Variants in DCLK2 observed in about 807,000 individuals in gnomAD.
The protein encoded by DCLK2 is serine/threonine-protein kinase DCLK2.
A neutral mutation model predicts 78.4 loss-of-function variants in DCLK2; 31 were observed. That is an observed-to-expected ratio of 0.40 (90% confidence interval 0.30 to 0.53). The LOEUF (loss-of-function observed/expected upper bound fraction) is 0.53. DCLK2 is among the 20% of genes least tolerant of loss of function. DCLK2 has a pLI of 0.61. For missense variants in DCLK2, 872 were observed against 973.7 expected, an observed-to-expected ratio of 0.90 and a Z score of 1.39; for synonymous variants, 407 against 374.9, an observed-to-expected ratio of 1.09 and a Z score of -0.99.
chr4:150,174,202 G>A (rs1433919683), intron 2 of DCLK2, among the ~76,000 whole-genome samples: 1 of 152,090 alleles, frequency 6.6e-6, no homozygotes, highest in Non-Finnish European at 1.5e-5. Context: ...CATCCTTTCT[G>A]CCCTCTTTGA....
rs1743585471 is a variant in DCLK2 at position 150,249,494 on chromosome 4, G to C, written c.1957-74G>C. On this transcript the variant is annotated intron_variant, in intron 14 of 15. Coordinates refer to ENST00000296550, the MANE Select transcript of DCLK2 (RefSeq NM_001040260.4). Reference sequence around the variant, plus strand: ...AGGAGGGTGGTTGAGGCGGGGAGGGGGACTCTTAAGGAAAAGACAACTCAA... The same window carrying C: ...AGGAGGGTGGTTGAGGCGGGGAGGGCGACTCTTAAGGAAAAGACAACTCAA... The C allele has an allele frequency of 3.2e-6, 4 of 1,269,314 alleles. No homozygotes were observed. The South Asian group carries it at 3.6e-5, about 12-fold the overall frequency. The allele number at this position is 1,269,314 out of a possible 1,614,324, so 78.6% of individuals were successfully genotyped here.
intron 2 of DCLK2, among the ~76,000 whole-genome samples, chr4:150,158,553 C>G (rs1000049952): frequency 6.6e-6 from 1 of 152,120 alleles, no homozygotes; most frequent in South Asian, 2.1e-4. Flanking sequence ...TTGCATTCCT[C>G]TATTGAGCAC....
At chr4:150,215,572 G>A (rs1023979113) in intron 5 of DCLK2, among the ~76,000 whole-genome samples, 2 of 152,184 alleles carry the variant, frequency 1.3e-5, no homozygotes, top group African/African-American at 2.4e-5. Flanking sequence ...GGCGAGGTAT[G>A]GGGGAAGGCA....
At chr4:150,246,913 G>A (rs927539021) in intron 12 of DCLK2, among the ~76,000 whole-genome samples, 5 of 152,076 alleles carry the variant, frequency 3.3e-5, no homozygotes, top group African/African-American at 1.2e-4. Context: ...GGCATCTTGG[G>A]TTGGCCCTTC....
At chr4:150,242,535 G>A (rs1237803379) in intron 12 of DCLK2, among the ~76,000 whole-genome samples, 1 of 152,176 alleles carries the variant, frequency 6.6e-6, no homozygotes, top group Non-Finnish European at 1.5e-5. Flanking sequence ...TTCTGAGCTG[G>A]CTGGCTCAGC....
Position 150,203,846 on chromosome 4 carries a change from C to A in DCLK2, c.1013C>A (p.Ser338Tyr). The A allele has an allele frequency of 1.9e-6, 3 of 1,613,980 alleles. No homozygotes were observed. Among genetic ancestry groups the A allele is most frequent in the Non-Finnish European group, 2.5e-6 (3 of 1,179,936 alleles). Residue 338 changes from serine to tyrosine, a missense_variant, in exon 5 of 16, where the codon TCC becomes TAC. This residue lies in a region of DCLK2 where 567 missense variants were observed against 593.4 expected (regional missense o/e 0.96). Transcript: ENST00000296550. ...QLSTPKSTKS[S>Y]SSSPTSPGSF... ...TCTACTCCTAAATCTACGAAATCCT[C>A]CAGTTCCTCTCCAACTAGTCCAGGA...
intron 8 of DCLK2, among the ~76,000 whole-genome samples, chr4:150,227,951 A>G (rs576294747): frequency 2.6e-4 from 39 of 152,336 alleles, no homozygotes; most frequent in African/African-American, 9.4e-4. Context: ...ACAGTTCAGG[A>G]GGCTGAGAGT....
rs191794029 is a variant in DCLK2 at position 150,206,166 on chromosome 4, T to C, written c.1056+2277T>C. ...CAAAGAAATACATGTTAATATTCTG[T>C]GCACACACCTGCCTCACACATGCAT... is the stretch of plus-strand genomic sequence containing the variant. On this transcript the variant is annotated intron_variant, in intron 5 of 15. Transcript: ENST00000296550. 1.7e-4 allele frequency among the ~76,000 whole-genome samples: 26 copies of C among 152,332 alleles called. 1 individual carries two copies. In the East Asian group the frequency reaches 5.0e-3, roughly 29 times the overall value.
intron 10 of DCLK2, among the ~76,000 whole-genome samples, chr4:150,237,241 A>G (rs1560898324): frequency 9.3e-5 from 1 of 10,788 alleles, no homozygotes; most frequent in African/African-American, 1.1e-4. Flanking sequence ...AACTATAATT[A>G]TATCAGATTG....
Position 150,113,268 on chromosome 4 carries a change from A to G in DCLK2, c.756+10456A>G, listed in dbSNP as rs1731831959. Among the ~76,000 whole-genome samples the G allele has an allele frequency of 2.6e-5, 4 of 152,308 alleles. No homozygotes were observed. In the South Asian group the frequency reaches 8.3e-4, roughly 32 times the overall value. The stretch of plus-strand genomic sequence containing the variant: ...TAGTACTGGGTTAATGGAATGAGTT[A>G]GGGTGGATTCCCTCTTTCTCAGTGT... On this transcript the variant is annotated intron_variant, in intron 2 of 15. Transcript: ENST00000296550.
At chr4:150,241,638 C>T (rs1469624298) in intron 12 of DCLK2, among the ~76,000 whole-genome samples, 1 of 152,162 alleles carries the variant, frequency 6.6e-6, no homozygotes, top group African/African-American at 2.4e-5. Flanking sequence ...CTAGCCATAA[C>T]AAAATATCAT....
intron 5 of DCLK2, among the ~76,000 whole-genome samples, chr4:150,205,478 T>C (rs1263349800): frequency 6.6e-6 from 1 of 152,218 alleles, no homozygotes; most frequent in Non-Finnish European, 1.5e-5. Context: ...AGCTCTCACC[T>C]ACCTGTAATT....
intron 1 of DCLK2, among the ~76,000 whole-genome samples, chr4:150,080,941 G>A (rs1175490788): frequency 1.3e-5 from 2 of 152,300 alleles, no homozygotes; most frequent in East Asian, 1.9e-4. Flanking sequence ...GGGGATAGCT[G>A]GAGGAGTATA....
At chr4:150,245,915 C>T (rs1743273934) in intron 12 of DCLK2, among the ~76,000 whole-genome samples, 1 of 152,104 alleles carries the variant, frequency 6.6e-6, no homozygotes, top group Admixed American at 6.5e-5. Context: ...GGGTATATAC[C>T]CAAAGGATTA....
chr4:150,157,051 T>C lies in DCLK2; in HGVS notation c.757-36087T>C, dbSNP rs1047496469. 8.5e-5 allele frequency among the ~76,000 whole-genome samples: 13 copies of C among 152,062 alleles called. No homozygotes were observed. The East Asian group carries it at 2.3e-3, about 27-fold the overall frequency. On this transcript the variant is annotated intron_variant, in intron 2 of 15. Transcript: ENST00000296550. ...TCCCAAAGTGCTGGGATTACAGGCT[T>C]GAACCACTGCGCACAGCCAGGAGTT...
chr4:150,080,452 A>G (rs1729176431), intron 1 of DCLK2, among the ~76,000 whole-genome samples: 1 of 152,250 alleles, frequency 6.6e-6, no homozygotes, highest in Admixed American at 6.5e-5. Flanking sequence ...AATAACATCC[A>G]GAAAGACCAG....
chr4:150,079,655 C>G (rs1403142957), intron 1 of DCLK2, among the ~76,000 whole-genome samples: 4 of 152,226 alleles, frequency 2.6e-5, no homozygotes, highest in Admixed American at 2.0e-4. Flanking sequence ...AGGTTTGTCT[C>G]TTAAAGAAGG....
intron 2 of DCLK2, among the ~76,000 whole-genome samples, chr4:150,168,108 C>A (rs1205468341): frequency 6.6e-6 from 1 of 152,138 alleles, no homozygotes; most frequent in Non-Finnish European, 1.5e-5. Flanking sequence ...CTTTGGGAGG[C>A]CAAGGCGGGC....
intron 2 of DCLK2, among the ~76,000 whole-genome samples, chr4:150,150,065 T>TC (rs1303635297): frequency 4.6e-5 from 7 of 152,060 alleles, no homozygotes; most frequent in East Asian, 1.9e-4. Flanking sequence ...GAGGTTATTT[T>TC]CCCCCCCTCC....
Sources: gnomAD v4.1 joint callset for allele counts (sites outside exome capture counted in the v4.1 genomes callset) on GRCh38, gnomAD v4.1.1 for gene constraint, gnomAD v4.1.1 regional missense constraint, MANE v1.5 for transcripts, NCBI Gene and HGNC (gene_info 2026-07-23, HGNC 2026-07-21) for gene names.